NFATC1: variants seen among roughly 807,000 people sequenced by gnomAD.
NFATC1 encodes nuclear factor of activated T cells 1.
A neutral mutation model predicts 76.0 loss-of-function variants in NFATC1; 22 were observed. That is an observed-to-expected ratio of 0.29 (90% CI 0.21 to 0.41). The LOEUF (loss-of-function observed/expected upper bound fraction) is 0.41, where lower values mean the gene tolerates loss of function less well. Ranked by LOEUF, NFATC1 falls within the 10% of genes least tolerant of loss-of-function variation. The probability of loss-of-function intolerance (pLI) is 1.00; values close to 1 mark genes in which losing one functional copy is unlikely to be tolerated. For missense variants in NFATC1, 1,357 were observed against 1,337.7 expected (o/e 1.01, Z -0.23); for synonymous variants, 704 against 613.1 (o/e 1.15, Z -2.19).
chr18:79,413,439 G>A lies in NFATC1; in HGVS notation c.1226+1938G>A, dbSNP rs543076866. Among the ~76,000 whole-genome samples the A allele has an allele frequency of 7.2e-5, 11 of 152,296 alleles. No homozygotes were observed. The South Asian group carries it at 1.2e-3, about 17-fold the overall frequency. ...TGACCTGTCTCCCTGGCTTGGAGGC[G>A]CCGTCTTCTCCCCATGACTCCTCAT... is the stretch of plus-strand genomic sequence containing the variant. On this transcript the variant is annotated intron_variant, in intron 2 of 9. Transcript: ENST00000427363.
At chr18:79,447,721 G>A (rs556240095) in intron 3 of NFATC1, among the ~76,000 whole-genome samples, 1 of 152,350 alleles carries the variant, frequency 6.6e-6, no homozygotes, top group African/African-American at 2.4e-5. Flanking sequence ...CTTGCTTTGA[G>A]AATCAAACGT....
At chr18:79,411,797 G>C (rs2148193635) in intron 2 of NFATC1, among the ~76,000 whole-genome samples, 1 of 152,368 alleles carries the variant, frequency 6.6e-6, no homozygotes, top group Middle Eastern at 3.4e-3. Context: ...CTCAGTCTCT[G>C]CAAACACCCA....
At chr18:79,481,048 C>G (rs1269003912) in intron 8 of NFATC1, among the ~76,000 whole-genome samples, 1 of 152,252 alleles carries the variant, frequency 6.6e-6, no homozygotes, top group African/African-American at 2.4e-5. Flanking sequence ...TGCCCACCGG[C>G]GTCTCACTCC....
intron 6 of NFATC1, among the ~76,000 whole-genome samples, chr18:79,457,449 G>A (rs952930151): frequency 4.6e-5 from 7 of 152,210 alleles, no homozygotes; most frequent in Non-Finnish European, 8.8e-5. Context: ...TGCAGGAGGA[G>A]GGGCCGGGCT....
At chr18:79,462,484 A>T (rs918767613) in intron 7 of NFATC1, among the ~76,000 whole-genome samples, 9 of 151,860 alleles carry the variant, frequency 5.9e-5, no homozygotes, top group African/African-American at 2.2e-4. Flanking sequence ...TTGTAATTTT[A>T]GTAGAGATGG....
chr18:79,458,556 C>T (rs985811921), intron 6 of NFATC1, among the ~76,000 whole-genome samples: 1 of 152,214 alleles, frequency 6.6e-6, no homozygotes, highest in Non-Finnish European at 1.5e-5. Context: ...GCGGGTGTGG[C>T]AGGGAAGCCT....
Position 79,486,798 on chromosome 18 carries a change from G to A in NFATC1, c.2643G>A (p.Thr881=), listed in dbSNP as rs774500542. 26 of 1,610,724 alleles carry A rather than the reference G, an allele frequency of 1.6e-5. No individual in the cohort carries two copies. The highest frequency in any genetic ancestry group is 1.2e-4 in the African/African-American group (9 of 74,890). The change falls in exon 9 of 10, where the codon ACG becomes ACA. Residue 881 remains threonine, a synonymous_variant. Transcript: ENST00000427363. ...ATGRPQHLPS[T]VRRDESPTAG... ...GCCGCCCGCAGCACCTGCCGTCCAC[G>A]GTCCGCAGGGACGAGTCTCCGACTG...
intron 8 of NFATC1, among the ~76,000 whole-genome samples, chr18:79,475,068 A>G: frequency 8.9e-6 from 1 of 112,064 alleles, no homozygotes; most frequent in Non-Finnish European, 1.7e-5. Context: ...AACCTGAGGG[A>G]AGTGTGTTCT....
At chr18:79,461,242 G>T in intron 6 of NFATC1, 69 bp from the exon 7 acceptor site, 1 of 1,579,282 alleles carries the variant, frequency 6.3e-7, no homozygotes, top group Non-Finnish European at 8.7e-7. Context: ...TCTGGATCAC[G>T]TGGGGGTGTC....
At position 79,410,130 on chromosome 18, in the gene NFATC1, G is replaced by A. The variant is rs1263138299; in HGVS notation, c.128-273G>A. 1.3e-6 allele frequency: 1 copy of A among 751,790 alleles called. No homozygotes were observed. The allele number at this position is 751,790 out of a possible 1,614,324, so 46.6% of individuals were successfully genotyped here. A position where few individuals can be genotyped will look rare whatever the true frequency, so the allele number is the denominator to read the frequency against. The stretch of plus-strand genomic sequence containing the variant: ...TGAGGACCCGGCCGCCTCTCCCTGG[G>A]AAGGACGTTCGGGGGCTTGTGCTGC... On this transcript the variant is annotated intron_variant, in intron 1 of 9. Transcript: ENST00000427363. This position sits in a 1 kb window ranked among gnomAD's most constrained non-coding sequence, Gnocchi z 6.7.
rs1342057992 is a variant in NFATC1 at position 79,450,950 on chromosome 18, G to T, written c.1590-4G>T. 5 of 1,611,826 alleles carry T rather than the reference G, an allele frequency of 3.1e-6. No homozygotes were observed. Among genetic ancestry groups the T allele is most frequent in the Non-Finnish European group, 3.4e-6 (4 of 1,178,778 alleles). On this transcript the variant is annotated splice_polypyrimidine_tract_variant and splice_region_variant and intron_variant, in intron 4 of 9. Coordinates refer to ENST00000427363, the MANE Select transcript of NFATC1 (RefSeq NM_001278669.2). ...GAAAAGCTGTGGGCTTTTGTTTTGG[G>T]CAGCATTGACTGTGCCGGAATCCTG...
intron 1 of NFATC1, among the ~76,000 whole-genome samples, chr18:79,406,167 C>T (rs1349628885): frequency 1.3e-5 from 2 of 152,182 alleles, no homozygotes; most frequent in Non-Finnish European, 2.9e-5. Context: ...CTGTTAATTG[C>T]TAGGGTTTTA....
chr18:79,414,830 C>T (rs187977772), intron 2 of NFATC1, among the ~76,000 whole-genome samples: 298 of 152,308 alleles, frequency 2.0e-3, no homozygotes, highest in Non-Finnish European at 2.9e-3. Flanking sequence ...GGCACCTTTC[C>T]GTGTGCTGTT....
At chr18:79,477,973 C>T (rs891771669) in intron 8 of NFATC1, among the ~76,000 whole-genome samples, 9 of 152,148 alleles carry the variant, frequency 5.9e-5, no homozygotes, top group African/African-American at 1.9e-4. Context: ...TAGAGTCACG[C>T]GGACGGGGGT....
At chr18:79,467,831 T>A in intron 8 of NFATC1, 2 of 1,153,892 alleles carry the variant, frequency 1.7e-6, no homozygotes, top group South Asian at 4.3e-5. Context: ...CACGGTTATT[T>A]TGCTTCTTGC....
chr18:79,526,520 G>T (rs2090769460), intron 9 of NFATC1, among the ~76,000 whole-genome samples: 1 of 152,186 alleles, frequency 6.6e-6, no homozygotes, highest in South Asian at 2.1e-4. Context: ...GGCCGGGCAT[G>T]TGGGGCACCT....
chr18:79,411,136 G>C lies in NFATC1; in HGVS notation c.861G>C (p.Pro287=), dbSNP rs142009203. The change falls in exon 2 of 10, where the codon CCG becomes CCC. Residue 287 remains proline, a synonymous_variant. Transcript: ENST00000427363. Reference sequence around the variant, plus strand: ...CCCACCACTCGCCCACGCCGTCCCCGCACGGCTCCCCGCGGGTCAGCGTGA... The same window carrying C: ...CCCACCACTCGCCCACGCCGTCCCCCCACGGCTCCCCGCGGGTCAGCGTGA... ...YSPHHSPTPS[P]HGSPRVSVTD... is the part of the protein sequence containing the mutation. The C allele has an allele frequency of 1.2e-6, 2 of 1,612,158 alleles. No homozygotes were observed. The highest frequency in any genetic ancestry group is 8.5e-7 in the Non-Finnish European group (1 of 1,179,768).
chr18:79,428,162 G>A lies in NFATC1; in HGVS notation c.1227-5417G>A, dbSNP rs376939379. On this transcript the variant is annotated intron_variant, in intron 2 of 9. Coordinates refer to ENST00000427363, the MANE Select transcript of NFATC1 (RefSeq NM_001278669.2). ...GCGGTGCGGGGGCCGGCCTCGGGCC[G>A]GTGGGCAGGCTGGAAGGTCAGCCAG... Among the ~76,000 whole-genome samples the A allele has an allele frequency of 1.1e-3, 175 of 152,280 alleles. 2 individuals are homozygous for A. Among genetic ancestry groups the A allele is most frequent in the Middle Eastern group, 3.4e-3 (1 of 294 alleles).
rs868722582 is a variant in NFATC1, at chr18:79,402,402, C to T, written c.127+6051C>T. On this transcript the variant is annotated intron_variant, in intron 1 of 9. Coordinates refer to ENST00000427363, the MANE Select transcript of NFATC1 (RefSeq NM_001278669.2). Reference sequence around the variant, plus strand: ...GGTGGGTTCAGGACACAGTCCTCCCCGGCACCCACCGGGCTCATTCCCCCA... The same window carrying T: ...GGTGGGTTCAGGACACAGTCCTCCCTGGCACCCACCGGGCTCATTCCCCCA... 187 of 985,130 alleles carry T rather than the reference C, an allele frequency of 1.9e-4. No homozygotes were observed. The African/African-American group carries it at 2.2e-3, about 12-fold the overall frequency. The allele number at this position is 985,130 out of a possible 1,614,324, so 61.0% of individuals were successfully genotyped here. A position where few individuals can be genotyped will look rare whatever the true frequency, so the allele number is the denominator to read the frequency against.
Sources: gnomAD v4.1 joint callset for allele counts (sites outside exome capture counted in the v4.1 genomes callset) on GRCh38, gnomAD v4.1.1 for gene constraint, Gnocchi (gnomAD v3.1) non-coding constraint, MANE v1.5 for transcripts, NCBI Gene and HGNC (gene_info 2026-07-23, HGNC 2026-07-21) for gene names.